Variants in ADAMTS19 observed in about 807,000 individuals in gnomAD.
ADAMTS19 encodes the protein A disintegrin and metalloproteinase with thrombospondin motifs 19.
Under a neutral mutation model 153.3 loss-of-function variants are expected in ADAMTS19, and 93 were observed. That is an observed-to-expected ratio of 0.61 (90% CI 0.51 to 0.72). The LOEUF (loss-of-function observed/expected upper bound fraction) is 0.72, where lower values mean the gene tolerates loss of function less well. Among genes scored for constraint, ADAMTS19 ranks in the 30% least tolerant of loss-of-function variants. ADAMTS19 has a pLI of 0.00. For synonymous variants in ADAMTS19, 600 were observed against 556.6 expected (o/e 1.08, Z -1.10); for missense variants, 1,482 against 1,552.1 (o/e 0.95, Z 0.76).
intron 8 of ADAMTS19, among the ~76,000 whole-genome samples, chr5:129,604,313 C>T (rs1457244263): frequency 1.3e-5 from 2 of 152,134 alleles, no homozygotes; most frequent in African/African-American, 4.8e-5. Flanking sequence ...CTGGAGTATA[C>T]TGACTTTTTA....
intron 2 of ADAMTS19, among the ~76,000 whole-genome samples, chr5:129,472,448 T>A (rs1433246579): frequency 6.6e-6 from 1 of 152,238 alleles, no homozygotes; most frequent in Non-Finnish European, 1.5e-5. Context: ...AGATACGTCC[T>A]GTCCTTACTT....
chr5:129,661,357 A>C (rs1414175613), intron 15 of ADAMTS19, among the ~76,000 whole-genome samples: 1 of 152,222 alleles, frequency 6.6e-6, no homozygotes, highest in Non-Finnish European at 1.5e-5. Context: ...TTTCAATTTT[A>C]AAAATTCTGC....
intron 9 of ADAMTS19, 101 bp downstream of exon 9, chr5:129,620,859 A>G: frequency 8.0e-7 from 1 of 1,253,970 alleles, no homozygotes; most frequent in Admixed American, 2.3e-5. Context: ...AGGCCACCAG[A>G]GTAAAACTGA....
At chr5:129,561,187 T>C (rs1218627201) in intron 7 of ADAMTS19, among the ~76,000 whole-genome samples, 2 of 152,184 alleles carry the variant, frequency 1.3e-5, no homozygotes, top group Non-Finnish European at 2.9e-5. Flanking sequence ...TTTATATTTT[T>C]GAGAGTTTCT....
chr5:129,528,059 A>G (rs1214016928), intron 5 of ADAMTS19, among the ~76,000 whole-genome samples: 3 of 151,966 alleles, frequency 2.0e-5, no homozygotes, highest in Non-Finnish European at 4.4e-5. Flanking sequence ...TTAACTTTCC[A>G]AAGTATAATT....
rs1757602177 is a variant in ADAMTS19 at position 129,735,000 on chromosome 5, A to G, written c.3381A>G (p.Arg1127=). 6.2e-7 allele frequency: 1 copy of G among 1,612,280 alleles called. No individual in the cohort carries two copies. The highest frequency in any genetic ancestry group is 2.2e-5 in the East Asian group (1 of 44,820). Residue 1127 remains arginine (R), a synonymous_variant, in exon 22 of 23, where the codon AGA becomes AGG. Transcript: ENST00000274487. ...AATGCATGCATAAGATCACAGGAAG[A>G]CATGGAAATGAATGTTTTTCCTCAG... The part of the protein sequence containing the change: ...VIQCMHKITG[R]HGNECFSSEK...
At chr5:129,666,841 C>T (rs926960655) in intron 16 of ADAMTS19, among the ~76,000 whole-genome samples, 1 of 151,900 alleles carries the variant, frequency 6.6e-6, no homozygotes, top group Admixed American at 6.6e-5. Context: ...GTTGTTATTA[C>T]ACTTGCATGT....
At chr5:129,559,752 T>C (rs1192601823) in intron 7 of ADAMTS19, among the ~76,000 whole-genome samples, 1 of 152,200 alleles carries the variant, frequency 6.6e-6, no homozygotes, top group Non-Finnish European at 1.5e-5. Flanking sequence ...CTCAGGAATA[T>C]AAAGCTCTTA....
At chr5:129,561,397 C>T (rs1302424618) in intron 7 of ADAMTS19, among the ~76,000 whole-genome samples, 2 of 151,978 alleles carry the variant, frequency 1.3e-5, no homozygotes, top group African/African-American at 2.4e-5. Context: ...GGCGCGGTGG[C>T]GGGCGCCTGT....
intron 21 of ADAMTS19, among the ~76,000 whole-genome samples, chr5:129,714,215 C>G (rs546027727): frequency 1.3e-5 from 2 of 150,510 alleles, no homozygotes; most frequent in South Asian, 4.2e-4. Flanking sequence ...GTCAGGAGAT[C>G]GAGACCATCC....
At chr5:129,493,799 T>A (rs1160185203) in intron 2 of ADAMTS19, among the ~76,000 whole-genome samples, 1 of 152,178 alleles carries the variant, frequency 6.6e-6, no homozygotes, top group Non-Finnish European at 1.5e-5. Flanking sequence ...ATATAGCAGT[T>A]AAAACTTGCA....
At chr5:129,606,973 A>G (rs1223138127) in intron 8 of ADAMTS19, among the ~76,000 whole-genome samples, 2 of 152,060 alleles carry the variant, frequency 1.3e-5, no homozygotes, top group African/African-American at 4.8e-5. Context: ...ACTGGAGTGC[A>G]GTGGCACCAT....
intron 10 of ADAMTS19, among the ~76,000 whole-genome samples, chr5:129,634,950 A>T (rs1752469537): frequency 6.6e-6 from 1 of 152,182 alleles, no homozygotes; most frequent in African/African-American, 2.4e-5. Flanking sequence ...TGCACAGCAA[A>T]ATAAACTATC....
chr5:129,650,818 G>A (rs1257414576), intron 13 of ADAMTS19, among the ~76,000 whole-genome samples: 1 of 152,056 alleles, frequency 6.6e-6, no homozygotes. Context: ...GCACCTACAT[G>A]TTTCTCTCCT....
At chr5:129,632,452 A>T (rs1752344791) in intron 10 of ADAMTS19, among the ~76,000 whole-genome samples, 1 of 151,954 alleles carries the variant, frequency 6.6e-6, no homozygotes. Flanking sequence ...TATTTTAAGG[A>T]TTAAGAATGT....
rs927849828 is a variant in ADAMTS19, at chr5:129,647,141, G to C, written c.1873-624G>C. ...ATTGGCATGAAATAACAGAATTTCAGCATCTAATTGCCCACGTCTTTCAAA... is the reference window on the plus strand; with the variant it reads ...ATTGGCATGAAATAACAGAATTTCACCATCTAATTGCCCACGTCTTTCAAA... On this transcript the variant is annotated intron_variant, in intron 11 of 22. Transcript: ENST00000274487. 2.0e-5 allele frequency among the ~76,000 whole-genome samples: 3 copies of C among 147,332 alleles called. No individual in the cohort carries two copies. The South Asian group carries it at 6.4e-4, about 32-fold the overall frequency.
At chr5:129,526,622 A>T (rs1341834066) in intron 4 of ADAMTS19, 166 bp downstream of exon 4, 1 of 584,716 alleles carries the variant, frequency 1.7e-6, no homozygotes, top group Non-Finnish European at 2.7e-6. Context: ...CCATCTCAAA[A>T]GCAATATCAA....
intron 19 of ADAMTS19, among the ~76,000 whole-genome samples, chr5:129,700,827 T>C (rs1174446564): frequency 6.6e-6 from 1 of 151,576 alleles, no homozygotes; most frequent in Non-Finnish European, 1.5e-5. Context: ...TAAGAACAAG[T>C]TCCAAGAGAA....
chr5:129,470,632 A>G (rs148415128), intron 2 of ADAMTS19, among the ~76,000 whole-genome samples: 215 of 152,274 alleles, frequency 1.4e-3, no homozygotes, highest in African/African-American at 4.9e-3. Context: ...GAATTATTAC[A>G]TGGTGGTGTT....
Sources: gnomAD v4.1 joint callset for allele counts (sites outside exome capture counted in the v4.1 genomes callset) on GRCh38, gnomAD v4.1.1 for gene constraint, MANE v1.5 for transcripts, NCBI Gene and HGNC (gene_info 2026-07-23, HGNC 2026-07-21) for gene names.